TNFRSF11A: variants seen among roughly 807,000 people sequenced by gnomAD.
TNFRSF11A encodes the protein TNF receptor superfamily member 11a, also known as tumor necrosis factor receptor superfamily member 11A.
TNFRSF11A carries 32 observed loss-of-function variants against 55.7 expected under a neutral mutation model. The ratio of observed to expected loss-of-function variants is 0.57; its 90% CI spans 0.43 to 0.77. The LOEUF is 0.77. Ranked by LOEUF, TNFRSF11A falls within the 30% of genes least tolerant of loss-of-function variation. The probability of loss-of-function intolerance (pLI) is 0.00; values close to 1 mark genes in which losing one functional copy is unlikely to be tolerated. For missense variants in TNFRSF11A, 753 were observed against 809.8 expected (o/e 0.93, Z 0.85); for synonymous variants, 311 against 331.0 (o/e 0.94, Z 0.65).
chr18:62,390,930 T>C lies in TNFRSF11A; in HGVS notation c.*5896T>C, dbSNP rs1309938350. Reference sequence around the variant, plus strand: ...ATAGTTTTATGAGTTTTAACAAAAATACATAGTTGTGTAACCACCACCATC... The same window carrying C: ...ATAGTTTTATGAGTTTTAACAAAAACACATAGTTGTGTAACCACCACCATC... On this transcript the variant is annotated 3_prime_UTR_variant, in exon 10 of 10. Coordinates refer to ENST00000586569, the MANE Select transcript of TNFRSF11A (RefSeq NM_003839.4). 2 of 152,234 alleles carry C rather than the reference T, an allele frequency of 1.3e-5. No individual in the cohort carries two copies. The highest frequency in any genetic ancestry group is 4.8e-5 in the African/African-American group (2 of 41,458). 9.4% of individuals were successfully genotyped at this position (152,234 alleles called of 1,614,324 possible).
intron 9 of TNFRSF11A, 63 bp from the exon 10 acceptor site, chr18:62,384,688 C>T (rs557997356): frequency 3.8e-6 from 6 of 1,576,352 alleles, no homozygotes; most frequent in African/African-American, 1.3e-5. Flanking sequence ...ACCTTCCTCT[C>T]GGCAGACCCT....
chr18:62,330,348 C>T (rs1408339095), intron 1 of TNFRSF11A, among the ~76,000 whole-genome samples: 1 of 152,164 alleles, frequency 6.6e-6, no homozygotes, highest in Non-Finnish European at 1.5e-5. Flanking sequence ...CTCTGCAGAC[C>T]GCATGAGAGA....
intron 2 of TNFRSF11A, 111 bp downstream of exon 2, chr18:62,348,360 A>G: frequency 1.1e-6 from 1 of 898,994 alleles, no homozygotes; most frequent in African/African-American, 1.6e-5. Context: ...GCGTTATGGT[A>G]GTGGCAGGTG....
chr18:62,375,959 G>A (rs536559069), intron 9 of TNFRSF11A, among the ~76,000 whole-genome samples: 127 of 152,280 alleles, frequency 8.3e-4, no homozygotes, highest in Non-Finnish European at 1.5e-3. Flanking sequence ...TTAAACCACC[G>A]CACTGTCTCC....
intron 7 of TNFRSF11A, among the ~76,000 whole-genome samples, chr18:62,365,256 C>T (rs972697562): frequency 1.3e-5 from 2 of 152,158 alleles, no homozygotes; most frequent in African/African-American, 4.8e-5. Flanking sequence ...GCCACCGGGT[C>T]CAGCCCTAAC....
rs775038704 is a variant in TNFRSF11A at position 62,358,362 on chromosome 18, C to G, written c.521+21C>G. On this transcript the variant is annotated intron_variant, in intron 5 of 9. Transcript: ENST00000586569. ...ACCAAGTAAGTAACAACAAAGGAGT[C>G]AGAAGAGATGGTTGGTTTTTAAACA... is the stretch of plus-strand genomic sequence containing the variant. 3.7e-6 allele frequency: 6 copies of G among 1,605,864 alleles called. No homozygotes were observed. In the Admixed American group the frequency reaches 1.0e-4, roughly 27 times the overall value.
At chr18:62,329,820 C>T (rs1160600937) in intron 1 of TNFRSF11A, among the ~76,000 whole-genome samples, 1 of 152,134 alleles carries the variant, frequency 6.6e-6, no homozygotes, top group South Asian at 2.1e-4. Context: ...ACCAGAAGCT[C>T]CTTGTCAGAG....
In TNFRSF11A at chr18:62,325,566, G is replaced by A; in HGVS notation, c.75+139G>A. On this transcript the variant is annotated intron_variant, in intron 1 of 9. Coordinates refer to ENST00000586569, the MANE Select transcript of TNFRSF11A (RefSeq NM_003839.4). This position sits in a 1 kb window ranked among gnomAD's most constrained non-coding sequence, Gnocchi z 4.7. ...TTTTGGGGAGCGGAGGCCGTGGGAAGCTGGGGAGGCGCTTCCAGAGTTGGA... is the reference window on the plus strand; with the variant it reads ...TTTTGGGGAGCGGAGGCCGTGGGAAACTGGGGAGGCGCTTCCAGAGTTGGA... The A allele has an allele frequency of 2.6e-6, 1 of 379,744 alleles. No homozygotes were observed. Among genetic ancestry groups the A allele is most frequent in the Non-Finnish European group, 3.7e-6 (1 of 269,070 alleles). The allele number at this position is 379,744 out of a possible 1,614,324, so 23.5% of individuals were successfully genotyped here. A position where few individuals can be genotyped will look rare whatever the true frequency, so the allele number is the denominator to read the frequency against.
rs141296714 is a variant in TNFRSF11A at position 62,368,585 on chromosome 18, T to C, written c.784-116T>C. ...AAAGTTCCATAGTCAGTTTTCCATC[T>C]GTACTTGTTATGGTGGAAATAATCA... On this transcript the variant is annotated intron_variant, in intron 8 of 9. Coordinates refer to ENST00000586569, the MANE Select transcript of TNFRSF11A (RefSeq NM_003839.4). The C allele has an allele frequency of 2.2e-4, 237 of 1,089,560 alleles. No homozygotes were observed. The African/African-American group carries it at 3.0e-3, about 14-fold the overall frequency. 67.5% of individuals were successfully genotyped at this position (1,089,560 alleles called of 1,614,324 possible).
chr18:62,382,308 G>A (rs749755310), intron 9 of TNFRSF11A, among the ~76,000 whole-genome samples: 1 of 151,694 alleles, frequency 6.6e-6, no homozygotes, highest in African/African-American at 2.4e-5. Flanking sequence ...ACGGGGTTTC[G>A]CCATATTGGC....
chr18:62,330,251 C>T (rs1269533839), intron 1 of TNFRSF11A, among the ~76,000 whole-genome samples: 1 of 152,158 alleles, frequency 6.6e-6, no homozygotes, highest in Non-Finnish European at 1.5e-5. Flanking sequence ...TTCAACTTGT[C>T]GTGGGCACAC....
chr18:62,381,431 ATAATATATACC>A (rs1325469976), intron 9 of TNFRSF11A, among the ~76,000 whole-genome samples: 3 of 152,256 alleles, frequency 2.0e-5, no homozygotes, highest in African/African-American at 7.2e-5. Flanking sequence ...TGGCAGAGAA[ATAATATATACC>A]ATGACATAAG....
At chr18:62,365,946 T>A (rs1409041254) in intron 7 of TNFRSF11A, among the ~76,000 whole-genome samples, 1 of 152,138 alleles carries the variant, frequency 6.6e-6, no homozygotes, top group Non-Finnish European at 1.5e-5. Context: ...GCCTCCCAAG[T>A]AGCTGGGATT....
chr18:62,371,815 T>G (rs1360254951), intron 9 of TNFRSF11A, among the ~76,000 whole-genome samples: 1 of 152,216 alleles, frequency 6.6e-6, no homozygotes, highest in Non-Finnish European at 1.5e-5. Flanking sequence ...TTACGTTCTA[T>G]AAAATGCGTG....
Position 62,385,082 on chromosome 18 carries a change from G to A in TNFRSF11A, c.*48G>A. 1.4e-6 allele frequency: 2 copies of A among 1,419,518 alleles called. No individual in the cohort carries two copies. The highest frequency in any genetic ancestry group is 1.8e-6 in the Non-Finnish European group (2 of 1,097,460). 87.9% of individuals were successfully genotyped at this position (1,419,518 alleles called of 1,614,324 possible). A position where few individuals can be genotyped will look rare whatever the true frequency, so the allele number is the denominator to read the frequency against. ...CGAAGCTCGGAGCCAGGGCTCGCGA[G>A]GGCAGCACCGCAGCCTCTGCCCCAG... On this transcript the variant is annotated 3_prime_UTR_variant, in exon 10 of 10. Transcript: ENST00000586569.
intron 9 of TNFRSF11A, among the ~76,000 whole-genome samples, chr18:62,381,629 A>C (rs544366019): frequency 1.3e-5 from 2 of 152,322 alleles, no homozygotes. Flanking sequence ...TTTGCATTTA[A>C]TCTCATCTCT....
chr18:62,360,043 C>CTAAATGGT lies in TNFRSF11A; in HGVS notation c.610_611insTAAATGGT (p.Pro204LeufsTer14), dbSNP rs1222577033. The CTAAATGGT allele has an allele frequency of 6.2e-7, 1 of 1,613,542 alleles. No individual in the cohort carries two copies. The highest frequency in any genetic ancestry group is 1.3e-5 in the African/African-American group (1 of 74,916). ...TTCTTCTCTGCCAGCTAGAAAACCA[C>CTAAATGGT]CAAATGGTATGTTTAAAAAGAGCCT... is the stretch of plus-strand genomic sequence containing the variant. On this transcript the variant is annotated frameshift_variant, in exon 6 of 10. Transcript: ENST00000586569. LOFTEE classifies it high-confidence loss of function.
Position 62,388,623 on chromosome 18 carries a change from T to G in TNFRSF11A, c.*3589T>G, listed in dbSNP as rs915315784. The G allele has an allele frequency of 3.9e-5, 6 of 152,206 alleles. No individual in the cohort carries two copies. Among genetic ancestry groups the G allele is most frequent in the Non-Finnish European group, 8.8e-5 (6 of 68,038 alleles). 9.4% of individuals were successfully genotyped at this position (152,206 alleles called of 1,614,324 possible). A position where few individuals can be genotyped will look rare whatever the true frequency, so the allele number is the denominator to read the frequency against. On this transcript the variant is annotated 3_prime_UTR_variant, in exon 10 of 10. Coordinates refer to ENST00000586569, the MANE Select transcript of TNFRSF11A (RefSeq NM_003839.4). ...AACCAGTGAGTAGCTCCTTCTCTGG[T>G]GATTGAATTCCCTTAATGCACAGCA...
At chr18:62,384,046 A>AACACACACACACAC (rs58712892) in intron 9 of TNFRSF11A, among the ~76,000 whole-genome samples, 1 of 145,950 alleles carries the variant, frequency 6.9e-6, no homozygotes, top group East Asian at 2.1e-4. Flanking sequence ...TTCTGTGTTG[A>AACACACACACACAC]ACACACACAC....
Sources: gnomAD v4.1 joint callset for allele counts (sites outside exome capture counted in the v4.1 genomes callset) on GRCh38, gnomAD v4.1.1 for gene constraint, Gnocchi (gnomAD v3.1) non-coding constraint, MANE v1.5 for transcripts, NCBI Gene and HGNC (gene_info 2026-07-23, HGNC 2026-07-21) for gene names.